PTN: variants seen among roughly 807,000 people sequenced by gnomAD.
The protein encoded by PTN is pleiotrophin.
A neutral mutation model predicts 24.1 loss-of-function variants in PTN; 18 were observed. The ratio of observed to expected loss-of-function variants is 0.75; its 90% CI spans 0.52 to 1.11. PTN has a LOEUF of 1.11. PTN is among the 50% of genes least tolerant of loss of function. PTN has a pLI of 0.00. For missense variants in PTN, 163 were observed against 198.8 expected, an observed-to-expected ratio of 0.82 and a Z score of 1.08; for synonymous variants, 78 against 68.6, an observed-to-expected ratio of 1.14 and a Z score of -0.67.
chr7:137,289,289 C>A (rs529527493), intron 1 of PTN, among the ~76,000 whole-genome samples: 1 of 152,276 alleles, frequency 6.6e-6, no homozygotes, highest in African/African-American at 2.4e-5. Flanking sequence ...TTTCAAATGA[C>A]TTTACACTGG....
At chr7:137,277,370 G>A (rs2128875279) in intron 1 of PTN, among the ~76,000 whole-genome samples, 1 of 152,170 alleles carries the variant, frequency 6.6e-6, no homozygotes, top group South Asian at 2.1e-4. Context: ...CTTTCCTTAA[G>A]AATATTAAAA....
At position 137,228,085 on chromosome 7, in the gene PTN, CA is replaced by C. The variant is rs1563191493; in HGVS notation, c.452-11del. The stretch of plus-strand genomic sequence containing the variant: ...TTCTTCTTAGATTCTGCTGTGATTA[CA>C]AAAAAGAGAGACAGAAAGAGAGAAA... On this transcript the variant is annotated splice_polypyrimidine_tract_variant and intron_variant, in intron 4 of 4. Transcript: ENST00000348225. 6.7e-7 allele frequency: 1 copy of C among 1,484,698 alleles called. No individual in the cohort carries two copies. Among genetic ancestry groups the C allele is most frequent in the Non-Finnish European group, 9.3e-7 (1 of 1,070,642 alleles). 92.0% of individuals were successfully genotyped at this position (1,484,698 alleles called of 1,614,324 possible).
intron 1 of PTN, among the ~76,000 whole-genome samples, chr7:137,260,626 T>C (rs1880788): frequency 0.015 from 2,242 of 152,260 alleles, 32 homozygotes; most frequent in East Asian, 0.082. Flanking sequence ...GCCCAGGCCA[T>C]TTAATCATTA....
At position 137,329,825 on chromosome 7, in the gene PTN, A is replaced by T. The variant is rs145286584; in HGVS notation, c.-2+13614T>A. Among the ~76,000 whole-genome samples the T allele has an allele frequency of 2.0e-5, 3 of 152,304 alleles. No individual in the cohort carries two copies. The East Asian group carries it at 5.8e-4, about 29-fold the overall frequency. ...ATCCATACTCAATGCATATTCAGGA[A>T]GTGGTAAAGTGAAAGACCTAGACAC... On this transcript the variant is annotated intron_variant, in intron 1 of 4. Transcript: ENST00000348225.
At chr7:137,334,900 G>A (rs1343336966) in intron 1 of PTN, among the ~76,000 whole-genome samples, 5 of 151,738 alleles carry the variant, frequency 3.3e-5, no homozygotes, top group Admixed American at 3.3e-4. Flanking sequence ...GTAGGGACAT[G>A]GATGAAATTG....
chr7:137,342,423 A>G (rs1810548789), intron 1 of PTN, among the ~76,000 whole-genome samples: 1 of 151,928 alleles, frequency 6.6e-6, no homozygotes, highest in Admixed American at 6.6e-5. Flanking sequence ...TAGCACCCCT[A>G]CCCCTCCTAT....
Position 137,342,322 on chromosome 7 carries a change from T to C in PTN, c.-2+1117A>G, listed in dbSNP as rs181051873. The stretch of plus-strand genomic sequence containing the variant: ...GCACATGCACACGCACACACACACA[T>C]CACCCCTTTCTCAAGCTGCTAAAGC... On this transcript the variant is annotated intron_variant, in intron 1 of 4. Coordinates refer to ENST00000348225, the MANE Select transcript of PTN (RefSeq NM_002825.7). 2.8e-4 allele frequency among the ~76,000 whole-genome samples: 42 copies of C among 152,052 alleles called. 1 individual carries two copies. In the East Asian group the frequency reaches 7.4e-3, roughly 27 times the overall value.
At chr7:137,232,489 T>C (rs1585002734) in intron 4 of PTN, among the ~76,000 whole-genome samples, 1 of 151,958 alleles carries the variant, frequency 6.6e-6, no homozygotes, top group East Asian at 1.9e-4. Context: ...TGTTTTAAGA[T>C]ACGTTTGAAA....
chr7:137,265,580 G>C (rs535719075), intron 1 of PTN, among the ~76,000 whole-genome samples: 1 of 152,190 alleles, frequency 6.6e-6, no homozygotes, highest in African/African-American at 2.4e-5. Flanking sequence ...GGGCTGACCC[G>C]CAGGGTACCA....
chr7:137,302,818 G>A (rs1257067420), intron 1 of PTN, among the ~76,000 whole-genome samples: 3 of 151,896 alleles, frequency 2.0e-5, no homozygotes, highest in Non-Finnish European at 2.9e-5. Flanking sequence ...TTAATGGTAG[G>A]ACACAGTTGC....
intron 4 of PTN, among the ~76,000 whole-genome samples, chr7:137,230,308 C>A (rs1158391552): frequency 6.6e-6 from 1 of 151,770 alleles, no homozygotes; most frequent in African/African-American, 2.4e-5. Flanking sequence ...CTGAACCTGA[C>A]ATTGGTGTCT....
chr7:137,287,475 A>C (rs1035972700), intron 1 of PTN, among the ~76,000 whole-genome samples: 1 of 152,076 alleles, frequency 6.6e-6, no homozygotes, highest in African/African-American at 2.4e-5. Context: ...GAGAATTGTA[A>C]AAAGGGAGTG....
chr7:137,281,453 G>A (rs1809472805), intron 1 of PTN, among the ~76,000 whole-genome samples: 1 of 152,100 alleles, frequency 6.6e-6, no homozygotes, highest in African/African-American at 2.4e-5. Context: ...CCTCTCCTCA[G>A]AACCCCTTGC....
At chr7:137,278,344 A>G (rs1809405786) in intron 1 of PTN, among the ~76,000 whole-genome samples, 1 of 146,694 alleles carries the variant, frequency 6.8e-6, no homozygotes, top group African/African-American at 2.5e-5. Context: ...AAAAATGACT[A>G]CTAATCAAAA....
At chr7:137,265,731 C>T (rs967381959) in intron 1 of PTN, among the ~76,000 whole-genome samples, 1 of 152,206 alleles carries the variant, frequency 6.6e-6, no homozygotes, top group African/African-American at 2.4e-5. Flanking sequence ...GGCCTCTGGC[C>T]TGCCATGTGC....
chr7:137,300,842 C>G (rs904739705), intron 1 of PTN, among the ~76,000 whole-genome samples: 3 of 151,992 alleles, frequency 2.0e-5, no homozygotes, highest in South Asian at 2.1e-4. Flanking sequence ...ATTACCTTGC[C>G]CAGCTGAAGT....
chr7:137,274,524 C>T (rs1475027703), intron 1 of PTN, among the ~76,000 whole-genome samples: 2 of 152,046 alleles, frequency 1.3e-5, no homozygotes, highest in African/African-American at 2.4e-5. Context: ...GCCCCCACCC[C>T]CCGACAGGCC....
chr7:137,324,433 A>AAAAAAAAAAATAT lies in PTN; in HGVS notation c.-2+19005_-2+19006insATATTTTTTTTTT. ...CCCTGTCTCTAAAAAAAAAAAAAAA[A>AAAAAAAAAAATAT]ATATATATATATATATATAAATTAA... is the stretch of plus-strand genomic sequence containing the variant. On this transcript the variant is annotated intron_variant, in intron 1 of 4. Coordinates refer to ENST00000348225, the MANE Select transcript of PTN (RefSeq NM_002825.7). Among the ~76,000 whole-genome samples the AAAAAAAAAAATAT allele has an allele frequency of 1.5e-4, 13 of 88,760 alleles. 1 individual carries two copies. Among genetic ancestry groups the AAAAAAAAAAATAT allele is most frequent in the African/African-American group, 9.0e-4 (13 of 14,480 alleles). 58.2% of individuals were successfully genotyped at this position (88,760 alleles called of 152,430 possible).
chr7:137,284,682 G>A (rs1345399088), intron 1 of PTN, among the ~76,000 whole-genome samples: 1 of 152,088 alleles, frequency 6.6e-6, no homozygotes, highest in Non-Finnish European at 1.5e-5. Context: ...ATATTATGAG[G>A]TACATACACT....
Sources: gnomAD v4.1 joint callset for allele counts (sites outside exome capture counted in the v4.1 genomes callset) on GRCh38, gnomAD v4.1.1 for gene constraint, MANE v1.5 for transcripts, NCBI Gene and HGNC (gene_info 2026-07-23, HGNC 2026-07-21) for gene names.